RARB: variants seen among roughly 807,000 people sequenced by gnomAD.
The protein encoded by RARB is HBV-activated protein.
A neutral mutation model predicts 51.9 loss-of-function variants in RARB; 17 were observed. The observed-to-expected ratio is 0.33, with a 90% CI of 0.22 to 0.49. RARB has a LOEUF of 0.49. Among genes scored for constraint, RARB ranks in the 20% least tolerant of loss-of-function variants. The pLI is 0.99. For missense variants in RARB, 369 were observed against 550.8 expected, an observed-to-expected ratio of 0.67 and a Z score of 3.30; for synonymous variants, 215 against 195.4, an observed-to-expected ratio of 1.10 and a Z score of -0.84.
chr3:25,531,392 A>ATAGG (rs1698906302), intron 3 of RARB, among the ~76,000 whole-genome samples: 1 of 38,934 alleles, frequency 2.6e-5, no homozygotes, highest in Admixed American at 2.6e-4. Flanking sequence ...AGATAGGTAG[A>ATAGG]TAGATAGATA....
chr3:25,465,901 T>C (rs891401259), intron 2 of RARB, among the ~76,000 whole-genome samples: 1 of 152,224 alleles, frequency 6.6e-6, no homozygotes, highest in Non-Finnish European at 1.5e-5. Context: ...TAAAATTTAA[T>C]GCAAAATTTT....
At chr3:25,471,467 C>G (rs531402586) in intron 2 of RARB, among the ~76,000 whole-genome samples, 1 of 150,728 alleles carries the variant, frequency 6.6e-6, no homozygotes, top group East Asian at 2.0e-4. Flanking sequence ...CTTCTTCTAA[C>G]AAATTGAGAA....
intron 7 of RARB, among the ~76,000 whole-genome samples, chr3:25,595,356 C>T (rs1701777027): frequency 6.6e-6 from 1 of 152,126 alleles, no homozygotes; most frequent in Non-Finnish European, 1.5e-5. Flanking sequence ...GTTTGCTAGC[C>T]AAGGAATAAA....
chr3:25,303,149 CA>C, intron 5 of RARB, among the ~76,000 whole-genome samples: 1 of 152,242 alleles, frequency 6.6e-6, no homozygotes, highest in African/African-American at 2.4e-5. Context: ...TTGACATGCT[CA>C]GCAGTTCCAG....
chr3:25,193,115 A>G (rs948325716), intron 5 of RARB, among the ~76,000 whole-genome samples: 5 of 152,130 alleles, frequency 3.3e-5, no homozygotes, highest in African/African-American at 4.8e-5. Context: ...CATTCCAAGC[A>G]ATGGAAAAGC....
At chr3:25,347,570 T>A (rs979911124) in intron 5 of RARB, among the ~76,000 whole-genome samples, 1 of 152,212 alleles carries the variant, frequency 6.6e-6, no homozygotes, top group South Asian at 2.1e-4. Context: ...TGCAAACTTA[T>A]TTTTCCAAAC....
intron 2 of RARB, among the ~76,000 whole-genome samples, chr3:25,024,044 G>T (rs575383274): frequency 6.3e-4 from 95 of 151,998 alleles, no homozygotes; most frequent in Non-Finnish European, 1.2e-3. Flanking sequence ...TAATCCCTAG[G>T]GACTATCAAG....
At chr3:25,292,584 A>G (rs962647336) in intron 5 of RARB, among the ~76,000 whole-genome samples, 7 of 152,218 alleles carry the variant, frequency 4.6e-5, no homozygotes, top group African/African-American at 1.7e-4. Context: ...GCGTTGCTCT[A>G]TGTAGCTTCA....
intron 3 of RARB, among the ~76,000 whole-genome samples, chr3:25,549,475 T>C (rs944231595): frequency 2.0e-5 from 3 of 152,196 alleles, no homozygotes; most frequent in Non-Finnish European, 4.4e-5. Flanking sequence ...AGGATCAAGC[T>C]GAGGATCTGA....
chr3:25,001,934 C>G (rs550162157), intron 2 of RARB, among the ~76,000 whole-genome samples: 1 of 152,112 alleles, frequency 6.6e-6, no homozygotes, highest in Admixed American at 6.6e-5. Flanking sequence ...CCCGCCACCC[C>G]ATGTGGCTAA....
At chr3:25,076,524 T>G (rs1307916547) in intron 3 of RARB, among the ~76,000 whole-genome samples, 1 of 152,214 alleles carries the variant, frequency 6.6e-6, no homozygotes, top group Non-Finnish European at 1.5e-5. Context: ...ATGAAACTCT[T>G]CTCTGCTGAC....
chr3:25,571,009 G>T (rs573437121), intron 4 of RARB, among the ~76,000 whole-genome samples: 1 of 151,964 alleles, frequency 6.6e-6, no homozygotes, highest in Non-Finnish European at 1.5e-5. Context: ...GGTGTAGTGC[G>T]CTAGGATGTT....
At chr3:24,889,111 A>G (rs1167678293) in intron 2 of RARB, among the ~76,000 whole-genome samples, 1 of 152,218 alleles carries the variant, frequency 6.6e-6, no homozygotes, top group Non-Finnish European at 1.5e-5. Context: ...CTCACTACAT[A>G]TGGATCCAGC....
At chr3:25,205,684 C>T (rs987303524) in intron 5 of RARB, among the ~76,000 whole-genome samples, 1 of 151,866 alleles carries the variant, frequency 6.6e-6, no homozygotes, top group South Asian at 2.1e-4. Context: ...TCATGTGCCT[C>T]ATAAATATGT....
chr3:25,411,131 A>G (rs1707551008), intron 5 of RARB, among the ~76,000 whole-genome samples: 1 of 152,206 alleles, frequency 6.6e-6, no homozygotes, highest in Non-Finnish European at 1.5e-5. Flanking sequence ...TTAAATCAGC[A>G]TAACATCTTA....
chr3:25,169,307 G>A (rs148510523), intron 4 of RARB, among the ~76,000 whole-genome samples: 1 of 152,330 alleles, frequency 6.6e-6, no homozygotes, highest in Non-Finnish European at 1.5e-5. Flanking sequence ...TCTGACATCA[G>A]TGCATGTGGC....
At chr3:25,530,812 G>GA (rs1216326640) in intron 3 of RARB, among the ~76,000 whole-genome samples, 2 of 152,164 alleles carry the variant, frequency 1.3e-5, no homozygotes, top group Non-Finnish European at 2.9e-5. Context: ...GAGTGGGATG[G>GA]GGGAGGCATT....
chr3:25,534,804 G>T (rs2125647619), intron 3 of RARB, among the ~76,000 whole-genome samples: 1 of 152,324 alleles, frequency 6.6e-6, no homozygotes, highest in East Asian at 1.9e-4. Context: ...AGATGGGACA[G>T]GCTAATGCTG....
intron 5 of RARB, among the ~76,000 whole-genome samples, chr3:25,353,493 A>G (rs1164723064): frequency 1.3e-5 from 2 of 151,978 alleles, no homozygotes; most frequent in Non-Finnish European, 2.9e-5. Flanking sequence ...GTCTTATCTG[A>G]GTCCAGTTAT....
Sources: gnomAD v4.1 joint callset for allele counts (sites outside exome capture counted in the v4.1 genomes callset) on GRCh38, gnomAD v4.1.1 for gene constraint, MANE v1.5 for transcripts, NCBI Gene and HGNC (gene_info 2026-07-23, HGNC 2026-07-21) for gene names.